The following CDH12 variants were observed in gnomAD, a reference collection of about 807,000 sequenced individuals.
CDH12 encodes the protein cadherin-12.
CDH12 carries 41 observed loss-of-function variants against 74.1 expected under a neutral mutation model. That is an observed-to-expected ratio of 0.55 (90% confidence interval 0.43 to 0.72). CDH12 has a LOEUF of 0.72. CDH12 is among the 30% of genes least tolerant of loss of function. CDH12 has a pLI of 0.00. For synonymous variants in CDH12, 399 were observed against 355.0 expected, an observed-to-expected ratio of 1.12 and a Z score of -1.39; for missense variants, 945 against 977.2, an observed-to-expected ratio of 0.97 and a Z score of 0.44.
intron 4 of CDH12, among the ~76,000 whole-genome samples, chr5:22,098,664 T>TA (rs1208982459): frequency 6.6e-6 from 1 of 152,176 alleles, no homozygotes; most frequent in Non-Finnish European, 1.5e-5. Context: ...CGCCCACAAT[T>TA]ACAATTGTTC....
intron 4 of CDH12, among the ~76,000 whole-genome samples, chr5:22,198,240 C>A (rs1750730289): frequency 1.3e-5 from 2 of 151,924 alleles, no homozygotes; most frequent in East Asian, 3.9e-4. Context: ...TCAGTCACCC[C>A]AAAAACGTAC....
chr5:22,271,473 T>C (rs537028319), intron 3 of CDH12, among the ~76,000 whole-genome samples: 2 of 152,320 alleles, frequency 1.3e-5, no homozygotes, highest in Non-Finnish European at 2.9e-5. Flanking sequence ...ACACTGCTGT[T>C]AATGTTGATA....
At chr5:21,848,824 G>A (rs1247248177) in intron 7 of CDH12, among the ~76,000 whole-genome samples, 1 of 151,694 alleles carries the variant, frequency 6.6e-6, no homozygotes, top group Non-Finnish European at 1.5e-5. Context: ...TCCCATAGTA[G>A]CATCAGAGGA....
rs773382981 is a variant in CDH12, at chr5:21,765,076, C to G, written c.1417G>C (p.Val473Leu). The stretch of plus-strand genomic sequence containing the variant: ...TCTAAGACATTAATCAGTATATTGA[C>G]TTTGCTGGTCAATAAAGGGTTACCT... ...KVSNPLLTSK[V>L]NILINVLDVN... Residue 473 changes from valine to leucine, a missense_variant, in exon 12 of 15, where the codon GTC becomes CTC. Transcript: ENST00000382254. 2 of 1,594,882 alleles carry G rather than the reference C, an allele frequency of 1.3e-6. No individual in the cohort carries two copies. The highest frequency in any genetic ancestry group is 1.7e-6 in the Non-Finnish European group (2 of 1,172,294).
At chr5:21,752,741 T>A (rs1027706019) in intron 14 of CDH12, among the ~76,000 whole-genome samples, 1 of 146,766 alleles carries the variant, frequency 6.8e-6, no homozygotes, top group African/African-American at 2.5e-5. Context: ...GTAGAGGAAG[T>A]AGAGGAAGGA....
chr5:21,868,847 G>A (rs892869926), intron 6 of CDH12, among the ~76,000 whole-genome samples: 1 of 152,098 alleles, frequency 6.6e-6, no homozygotes, highest in African/African-American at 2.4e-5. Context: ...GACTTTAGGG[G>A]CTACTGGCAT....
intron 4 of CDH12, among the ~76,000 whole-genome samples, chr5:22,157,597 T>C (rs926535614): frequency 1.4e-5 from 2 of 148,080 alleles, no homozygotes; most frequent in African/African-American, 5.0e-5. Context: ...GAAAAAAAAA[T>C]TCCCCTTCTA....
chr5:21,947,296 G>A (rs1254871924), intron 6 of CDH12, among the ~76,000 whole-genome samples: 19 of 152,128 alleles, frequency 1.2e-4, no homozygotes, highest in Non-Finnish European at 2.8e-4. Context: ...TGGGTATCGG[G>A]CAGAGGTTGG....
At chr5:22,363,043 G>T (rs1045024483) in intron 3 of CDH12, among the ~76,000 whole-genome samples, 3 of 151,852 alleles carry the variant, frequency 2.0e-5, no homozygotes, top group Admixed American at 6.6e-5. Context: ...TAACAAACCT[G>T]CGCATTGTGC....
intron 1 of CDH12, among the ~76,000 whole-genome samples, chr5:22,601,530 G>T (rs929227149): frequency 1.3e-5 from 2 of 151,988 alleles, no homozygotes; most frequent in Non-Finnish European, 2.9e-5. Flanking sequence ...GCATGCCAAG[G>T]GGTTGAACTA....
intron 1 of CDH12, among the ~76,000 whole-genome samples, chr5:22,805,745 G>A: frequency 6.6e-6 from 1 of 152,090 alleles, no homozygotes; most frequent in Non-Finnish European, 1.5e-5. Context: ...TGCCATGGTA[G>A]TTTGCTGCAA....
intron 3 of CDH12, among the ~76,000 whole-genome samples, chr5:22,225,133 A>G (rs1752150923): frequency 6.6e-6 from 1 of 152,044 alleles, no homozygotes; most frequent in African/African-American, 2.4e-5. Flanking sequence ...TCTTTACCAT[A>G]ACGATTCGGT....
At chr5:22,589,978 A>G (rs1030258459) in intron 1 of CDH12, among the ~76,000 whole-genome samples, 5 of 152,220 alleles carry the variant, frequency 3.3e-5, no homozygotes, top group African/African-American at 1.2e-4. Flanking sequence ...ACGCTTCATT[A>G]TTTAAGACAA....
intron 3 of CDH12, among the ~76,000 whole-genome samples, chr5:22,287,498 G>A (rs1004900016): frequency 6.6e-6 from 1 of 152,008 alleles, no homozygotes; most frequent in Non-Finnish European, 1.5e-5. Context: ...GCCGAGGCGG[G>A]CGGATCACAA....
rs192544821 is a variant in CDH12, at chr5:22,413,138, C to T, written c.-427-7787G>A. 1.5e-3 allele frequency among the ~76,000 whole-genome samples: 230 copies of T among 152,072 alleles called. 1 individual carries two copies. Among genetic ancestry groups the T allele is most frequent in the African/African-American group, 5.0e-3 (208 of 41,534 alleles). ...GTTTACTACTCCTGTCCAGTTCCCACACTGAGAAAAGTTTGAGGATAGAGA... is the reference window on the plus strand; with the variant it reads ...GTTTACTACTCCTGTCCAGTTCCCATACTGAGAAAAGTTTGAGGATAGAGA... On this transcript the variant is annotated intron_variant, in intron 2 of 14. Coordinates refer to ENST00000382254, the MANE Select transcript of CDH12 (RefSeq NM_004061.5).
rs565886370 is a variant in CDH12, at chr5:22,549,784, C to T, written c.-522-44420G>A. 3.0e-3 allele frequency among the ~76,000 whole-genome samples: 457 copies of T among 152,190 alleles called. 2 individuals are homozygous for T. The highest frequency in any genetic ancestry group is 0.01 in the African/African-American group (427 of 41,532). On this transcript the variant is annotated intron_variant, in intron 1 of 14. Transcript: ENST00000382254. ...TTTTTAGTTAATACCAAGTATTGATCGACAATCTCCAGATTTTACAGAAGA... is the reference window on the plus strand; with the variant it reads ...TTTTTAGTTAATACCAAGTATTGATTGACAATCTCCAGATTTTACAGAAGA...
chr5:22,586,837 A>ATTTTTTT (rs11417237), intron 1 of CDH12, among the ~76,000 whole-genome samples: 3 of 105,448 alleles, frequency 2.8e-5, no homozygotes, highest in African/African-American at 3.7e-5. Context: ...TTAGAGGAGG[A>ATTTTTTT]TTTTTTTTTT....
At chr5:22,297,457 T>C (rs368605634) in intron 3 of CDH12, among the ~76,000 whole-genome samples, 1 of 152,210 alleles carries the variant, frequency 6.6e-6, no homozygotes, top group East Asian at 1.9e-4. Flanking sequence ...AAAGAAGATA[T>C]GTATCTATGC....
At chr5:22,650,003 G>T (rs1739648716) in intron 1 of CDH12, among the ~76,000 whole-genome samples, 1 of 151,638 alleles carries the variant, frequency 6.6e-6, no homozygotes, top group African/African-American at 2.4e-5. Context: ...CATGTGCATG[G>T]GTGTCTATAT....
Sources: gnomAD v4.1 joint callset for allele counts (sites outside exome capture counted in the v4.1 genomes callset) on GRCh38, gnomAD v4.1.1 for gene constraint, MANE v1.5 for transcripts, NCBI Gene and HGNC (gene_info 2026-07-23, HGNC 2026-07-21) for gene names.